Variants in RGS7 observed in about 807,000 individuals in gnomAD.
RGS7 encodes regulator of G-protein signaling 7.
In RGS7, 27 loss-of-function variants were observed where a neutral mutation model predicts 81.1. The ratio of observed to expected loss-of-function variants is 0.33; its 90% CI spans 0.25 to 0.46. RGS7 has a LOEUF of 0.46. RGS7 is among the 20% of genes least tolerant of loss of function. The probability of loss-of-function intolerance (pLI) is 1.00; values close to 1 mark genes in which losing one functional copy is unlikely to be tolerated. For missense variants in RGS7, 396 were observed against 607.4 expected (o/e 0.65, Z 3.66); for synonymous variants, 208 against 207.7 (o/e 1.00, Z -0.01).
At chr1:241,324,014 A>T (rs1364593469) in intron 2 of RGS7, among the ~76,000 whole-genome samples, 1 of 152,172 alleles carries the variant, frequency 6.6e-6, no homozygotes, top group East Asian at 1.9e-4. Context: ...ATCATGTTTA[A>T]AATGGATATA....
intron 2 of RGS7, among the ~76,000 whole-genome samples, chr1:241,318,031 C>T (rs1220883084): frequency 2.6e-5 from 4 of 152,174 alleles, no homozygotes; most frequent in Admixed American, 2.6e-4. Flanking sequence ...ACTCACTTCA[C>T]CTTCTCAACT....
intron 4 of RGS7, among the ~76,000 whole-genome samples, chr1:240,955,379 T>C (rs556304776): frequency 1.7e-3 from 265 of 152,096 alleles, no homozygotes; most frequent in South Asian, 8.3e-3. Flanking sequence ...GGTGAAACCC[T>C]GTCTCTACTA....
In RGS7 at chr1:240,802,989, T is replaced by C; in HGVS notation, c.1274A>G (p.His425Arg). ...GRYTFEDAQE[H>R]IYKLMKSDSY... ...ATCACTTTTCATCAGTTTGTAAATG[T>C]GCTCCTAAAAAGAAATAATGGTTGA... The change falls in exon 16 of 19, where the codon CAC becomes CGC. Residue 425 changes from histidine to arginine, a missense_variant. Transcript: ENST00000440928. The C allele has an allele frequency of 6.2e-7, 1 of 1,603,316 alleles. No homozygotes were observed. Among genetic ancestry groups the C allele is most frequent in the East Asian group, 2.2e-5 (1 of 44,766 alleles).
intron 3 of RGS7, among the ~76,000 whole-genome samples, chr1:241,030,003 T>C (rs138871115): frequency 1.6e-3 from 237 of 152,320 alleles, no homozygotes; most frequent in Non-Finnish European, 2.3e-3. Context: ...CTAAAGTCTT[T>C]CTAGAATGAC....
chr1:240,862,092 G>T (rs1159747063), intron 9 of RGS7, among the ~76,000 whole-genome samples: 1 of 151,972 alleles, frequency 6.6e-6, no homozygotes, highest in East Asian at 1.9e-4. Context: ...TTAGTTTCTG[G>T]CAATTCTGTC....
intron 2 of RGS7, among the ~76,000 whole-genome samples, chr1:241,176,920 C>T (rs570946815): frequency 9.9e-5 from 15 of 152,146 alleles, no homozygotes; most frequent in Admixed American, 2.6e-4. Context: ...CTAAAATGGC[C>T]ATGAGTAAAA....
At chr1:240,857,177 C>T (rs1370197007) in intron 9 of RGS7, among the ~76,000 whole-genome samples, 1 of 152,094 alleles carries the variant, frequency 6.6e-6, no homozygotes, top group African/African-American at 2.4e-5. Flanking sequence ...GATGTGCCCT[C>T]TGTTTCACTT....
At position 240,936,680 on chromosome 1, in the gene RGS7, TTAA is replaced by T; in HGVS notation, c.250_252del (p.Leu84del). ...GGAAAGAAGTAGCCGTGGGCAGCCA[TTAA>T]TGTTCCCAAATGGAGCGCCTCCACT... On this transcript the variant is annotated inframe_deletion, in exon 5 of 19. Transcript: ENST00000440928. 1 of 1,614,074 alleles carries T rather than the reference TTAA, an allele frequency of 6.2e-7. No homozygotes were observed. Among genetic ancestry groups the T allele is most frequent in the African/African-American group, 1.3e-5 (1 of 75,036 alleles).
chr1:241,247,969 C>T (rs1474121857), intron 2 of RGS7, among the ~76,000 whole-genome samples: 2 of 152,152 alleles, frequency 1.3e-5, no homozygotes, highest in African/African-American at 4.8e-5. Context: ...CTTGAGTTTT[C>T]TGTATCTTCA....
At chr1:241,260,866 T>TA (rs1339047638) in intron 2 of RGS7, among the ~76,000 whole-genome samples, 1 of 137,680 alleles carries the variant, frequency 7.3e-6, no homozygotes, top group Non-Finnish European at 1.5e-5. Context: ...GACTCCTCCC[T>TA]AAGACAGTTT....
intron 18 of RGS7, among the ~76,000 whole-genome samples, chr1:240,795,766 T>C (rs1686950076): frequency 6.6e-6 from 1 of 152,210 alleles, no homozygotes; most frequent in Non-Finnish European, 1.5e-5. Context: ...GGAAGACATT[T>C]ACAATGCATT....
At chr1:240,997,299 A>G (rs1396975292) in intron 3 of RGS7, among the ~76,000 whole-genome samples, 1 of 152,098 alleles carries the variant, frequency 6.6e-6, no homozygotes, top group East Asian at 1.9e-4. Context: ...TTTTGAATGC[A>G]TTATTGTGCA....
At chr1:241,236,785 G>C (rs997954329) in intron 2 of RGS7, among the ~76,000 whole-genome samples, 30 of 152,026 alleles carry the variant, frequency 2.0e-4, no homozygotes, top group African/African-American at 7.0e-4. Flanking sequence ...GTATTGAGCA[G>C]AAAGAAAACT....
intron 4 of RGS7, among the ~76,000 whole-genome samples, chr1:240,961,161 GA>G (rs141934014): frequency 2.0e-5 from 3 of 149,862 alleles, no homozygotes; most frequent in Non-Finnish European, 4.5e-5. Flanking sequence ...TAGCCAATTA[GA>G]AAAAAAAAGA....
At chr1:241,148,274 C>G (rs186043404) in intron 2 of RGS7, among the ~76,000 whole-genome samples, 179 of 152,062 alleles carry the variant, frequency 1.2e-3, no homozygotes, top group African/African-American at 4.1e-3. Flanking sequence ...CAGTCTTGAA[C>G]TACTGACCTC....
intron 3 of RGS7, among the ~76,000 whole-genome samples, chr1:241,026,397 G>C (rs1330528409): frequency 6.6e-6 from 1 of 152,070 alleles, no homozygotes; most frequent in Non-Finnish European, 1.5e-5. Context: ...AGACCAGCCT[G>C]GTCCAACATG....
At chr1:241,229,764 G>A (rs760725888) in intron 2 of RGS7, among the ~76,000 whole-genome samples, 2 of 152,216 alleles carry the variant, frequency 1.3e-5, no homozygotes, top group Non-Finnish European at 2.9e-5. Flanking sequence ...GAGTGAAGGA[G>A]AAACTTCCGG....
At chr1:241,195,968 T>C (rs1380412503) in intron 2 of RGS7, among the ~76,000 whole-genome samples, 1 of 151,956 alleles carries the variant, frequency 6.6e-6, no homozygotes, top group Non-Finnish European at 1.5e-5. Context: ...TCCAAACTGA[T>C]CAAATACTTT....
intron 2 of RGS7, among the ~76,000 whole-genome samples, chr1:241,272,194 C>T (rs1029881319): frequency 2.0e-5 from 3 of 151,922 alleles, no homozygotes; most frequent in Admixed American, 6.6e-5. Context: ...GGGGTTTCAC[C>T]GTGTTAGCCA....
Sources: allele counts gnomAD v4.1 joint callset (sites outside exome capture counted in the v4.1 genomes callset), GRCh38; gene constraint gnomAD v4.1.1; transcripts MANE v1.5; gene names NCBI Gene and HGNC (gene_info 2026-07-23, HGNC 2026-07-21).